Variants in LCA5L observed in about 807,000 individuals in gnomAD.
The protein encoded by LCA5L is lebercilin-like protein.
Under a neutral mutation model 45.4 loss-of-function variants are expected in LCA5L, and 35 were observed. That is an observed-to-expected ratio of 0.77 (90% CI 0.59 to 1.02). The LOEUF (loss-of-function observed/expected upper bound fraction) is 1.02, where lower values mean the gene tolerates loss of function less well. LCA5L is among the 50% of genes least tolerant of loss of function. LCA5L has a pLI of 0.00. For missense variants in LCA5L, 668 were observed against 761.6 expected (o/e 0.88, Z 1.45); for synonymous variants, 233 against 264.7 (o/e 0.88, Z 1.16).
At chr21:39,431,147 T>C (rs916165215) in intron 3 of LCA5L, among the ~76,000 whole-genome samples, 3 of 152,190 alleles carry the variant, frequency 2.0e-5, no homozygotes, top group African/African-American at 7.2e-5. Context: ...TTTCTAGACT[T>C]AGCTGTGAGA....
chr21:39,418,850 G>A (rs750054634), intron 7 of LCA5L, among the ~76,000 whole-genome samples: 10 of 152,088 alleles, frequency 6.6e-5, no homozygotes, highest in Admixed American at 1.3e-4. Flanking sequence ...ATGTCTGCAT[G>A]AGGAAGCATA....
At chr21:39,414,535 C>T (rs149028363) in intron 7 of LCA5L, among the ~76,000 whole-genome samples, 4 of 152,280 alleles carry the variant, frequency 2.6e-5, no homozygotes, top group East Asian at 1.9e-4. Flanking sequence ...AGAATTCCCA[C>T]GACAAGATTT....
chr21:39,412,782 A>T (rs1006192905), intron 7 of LCA5L, among the ~76,000 whole-genome samples: 1 of 152,166 alleles, frequency 6.6e-6, no homozygotes, highest in African/African-American at 2.4e-5. Flanking sequence ...GCCCCTTAAA[A>T]AGCGCCTCCC....
intron 3 of LCA5L, among the ~76,000 whole-genome samples, chr21:39,431,019 C>T (rs1261016300): frequency 6.6e-6 from 1 of 151,644 alleles, no homozygotes; most frequent in Non-Finnish European, 1.5e-5. Flanking sequence ...GATGTAACAG[C>T]CAAAAAAGAA....
At position 39,429,173 on chromosome 21, in the gene LCA5L, T is replaced by C. The variant is rs1207073671; in HGVS notation, c.-53A>G. 1 of 152,192 alleles carries C rather than the reference T, an allele frequency of 6.6e-6. No homozygotes were observed. The highest frequency in any genetic ancestry group is 1.5e-5 in the Non-Finnish European group (1 of 68,024). The allele number at this position is 152,192 out of a possible 1,614,324, so 9.4% of individuals were successfully genotyped here. On this transcript the variant is annotated 5_prime_UTR_variant, in exon 4 of 11. Coordinates refer to ENST00000288350, the MANE Select transcript of LCA5L (RefSeq NM_152505.4). The stretch of plus-strand genomic sequence containing the variant: ...ACAAACAGATCCATCTTCTGAGGTC[T>C]TTAAAAGGATTTACCTTTTCATTTA...
At position 39,420,788 on chromosome 21, in the gene LCA5L, A is replaced by G. The variant is rs368075212; in HGVS notation, c.893T>C (p.Ile298Thr). ...AGCTGCTAAAGTCTTCCGAGTCTCA[A>G]TAGCCAGCTGCCGGCTAAAGGCTCT... ...NCRAFSRQLA[I>T]ETRKTLAAQT... Residue 298 changes from isoleucine (I) to threonine (T), a missense_variant, in exon 7 of 11, where the codon ATT (isoleucine) becomes ACT (threonine). Transcript: ENST00000288350. 4 of 1,613,280 alleles carry G rather than the reference A, an allele frequency of 2.5e-6. No homozygotes were observed. The highest frequency in any genetic ancestry group is 3.4e-6 in the Non-Finnish European group (4 of 1,179,410).
intron 6 of LCA5L, among the ~76,000 whole-genome samples, 158 bp from the exon 7 acceptor site, chr21:39,421,001 CGAAA>C (rs1028050205): frequency 5.3e-5 from 8 of 151,864 alleles, no homozygotes; most frequent in Non-Finnish European, 8.8e-5. Context: ...GAAGTATAAC[CGAAA>C]GAAAGACCCC....
chr21:39,426,128 TTCCC>T (rs2074659871), intron 5 of LCA5L: 1 of 152,220 alleles, frequency 6.6e-6, no homozygotes, highest in African/African-American at 2.4e-5. Flanking sequence ...TATTCCCTTA[TTCCC>T]CAAACGTGTC....
chr21:39,417,529 T>G (rs1432581449), intron 7 of LCA5L, among the ~76,000 whole-genome samples: 1 of 152,200 alleles, frequency 6.6e-6, no homozygotes, highest in South Asian at 2.1e-4. Flanking sequence ...TTTCTATTGC[T>G]TCCTTTATCT....
intron 7 of LCA5L, among the ~76,000 whole-genome samples, chr21:39,412,523 A>G (rs2040269036): frequency 6.6e-6 from 1 of 152,138 alleles, no homozygotes; most frequent in Non-Finnish European, 1.5e-5. Context: ...AGTAACAACC[A>G]TGGTTAAGAG....
At chr21:39,422,176 ATATT>A (rs2073883262) in intron 6 of LCA5L, 2 of 152,188 alleles carry the variant, frequency 1.3e-5, no homozygotes, top group African/African-American at 4.8e-5. Context: ...AACGAACCTG[ATATT>A]TACTTACTTC....
At chr21:39,425,000 C>T (rs2074409511) in intron 5 of LCA5L, among the ~76,000 whole-genome samples, 1 of 152,184 alleles carries the variant, frequency 6.6e-6, no homozygotes, top group African/African-American at 2.4e-5. Flanking sequence ...TGTCTATGTG[C>T]CTATGCTAGT....
intron 7 of LCA5L, among the ~76,000 whole-genome samples, chr21:39,414,587 A>T (rs760797397): frequency 6.6e-6 from 1 of 152,120 alleles, no homozygotes; most frequent in East Asian, 1.9e-4. Context: ...ACTCGCTACC[A>T]AAAGGTGGAG....
At chr21:39,432,970 A>C (rs2075895630) in intron 3 of LCA5L, among the ~76,000 whole-genome samples, 1 of 152,232 alleles carries the variant, frequency 6.6e-6, no homozygotes, top group Non-Finnish European at 1.5e-5. Flanking sequence ...ATTACAAATA[A>C]AATTGCTGTG....
chr21:39,442,242 G>C (rs1043019822), intron 2 of LCA5L, among the ~76,000 whole-genome samples: 1 of 152,204 alleles, frequency 6.6e-6, no homozygotes, highest in African/African-American at 2.4e-5. Context: ...AGAATGCCAA[G>C]GCCTGGTGGG....
intron 2 of LCA5L, among the ~76,000 whole-genome samples, chr21:39,442,257 G>C (rs1293917732): frequency 2.6e-5 from 4 of 152,208 alleles, no homozygotes; most frequent in Non-Finnish European, 4.4e-5. Context: ...GGTGGGTGGA[G>C]GAGGCCCATG....
At chr21:39,439,988 A>G (rs1438583575) in intron 2 of LCA5L, among the ~76,000 whole-genome samples, 3 of 152,364 alleles carry the variant, frequency 2.0e-5, no homozygotes, top group African/African-American at 7.2e-5. Flanking sequence ...GCTAGGTTCA[A>G]ATACACACAC....
chr21:39,414,740 C>CTGTGTGTGTG lies in LCA5L; in HGVS notation c.976-2939_976-2938insCACACACACA, dbSNP rs796818060. Reference sequence around the variant, plus strand: ...TCTCTCTCTCTCTCTCTCTCTCTCTCTCTGTGTGTGTGTGTGTGTGTGTGT... The same window carrying CTGTGTGTGTG: ...TCTCTCTCTCTCTCTCTCTCTCTCTCTGTGTGTGTGTCTGTGTGTGTGTGTGTGTGTGTGT... On this transcript the variant is annotated intron_variant, in intron 7 of 10. Coordinates refer to ENST00000288350, the MANE Select transcript of LCA5L (RefSeq NM_152505.4). 5.7e-3 allele frequency among the ~76,000 whole-genome samples: 589 copies of CTGTGTGTGTG among 104,056 alleles called. 2 individuals carry two copies. The highest frequency in any genetic ancestry group is 0.016 in the Middle Eastern group (3 of 186). 68.3% of individuals were successfully genotyped at this position (104,056 alleles called of 152,430 possible).
chr21:39,422,035 T>C (rs2073858223), intron 6 of LCA5L: 1 of 152,228 alleles, frequency 6.6e-6, no homozygotes, highest in African/African-American at 2.4e-5. Flanking sequence ...ATCACTTTGG[T>C]ATACAAGAGT....
Sources: allele counts gnomAD v4.1 joint callset (sites outside exome capture counted in the v4.1 genomes callset), GRCh38; gene constraint gnomAD v4.1.1; transcripts MANE v1.5; gene names NCBI Gene and HGNC (gene_info 2026-07-23, HGNC 2026-07-21).